Variants in MGAT4C observed in about 807,000 individuals in gnomAD.
MGAT4C encodes the protein alpha-1,3-mannosyl-glycoprotein 4-beta-N-acetylglucosaminyltransferase C.
A neutral mutation model predicts 40.1 loss-of-function variants in MGAT4C; 19 were observed. The ratio of observed to expected loss-of-function variants is 0.47; its 90% CI spans 0.33 to 0.70. The LOEUF (loss-of-function observed/expected upper bound fraction) is 0.70, where lower values mean the gene tolerates loss of function less well. Among genes scored for constraint, MGAT4C ranks in the 30% least tolerant of loss-of-function variants. The pLI is 0.02. For missense variants in MGAT4C, 491 were observed against 563.2 expected (o/e 0.87, Z 1.30); for synonymous variants, 181 against 187.1 (o/e 0.97, Z 0.27).
At chr12:86,204,742 T>G (rs79137498) in intron 1 of MGAT4C, among the ~76,000 whole-genome samples, 12,840 of 152,118 alleles carry the variant, frequency 0.084, 644 homozygotes, top group Middle Eastern at 0.22. Flanking sequence ...ACAGGAAAGA[T>G]GTGTAAATGT....
intron 4 of MGAT4C, among the ~76,000 whole-genome samples, chr12:86,331,030 G>T (rs1307876864): frequency 1.3e-5 from 2 of 152,164 alleles, no homozygotes; most frequent in Non-Finnish European, 2.9e-5. Flanking sequence ...TTAGAAGAAA[G>T]AATTCGACCT....
intron 3 of MGAT4C, among the ~76,000 whole-genome samples, chr12:86,344,006 C>T (rs1038383786): frequency 6.6e-6 from 1 of 152,144 alleles, no homozygotes; most frequent in Non-Finnish European, 1.5e-5. Flanking sequence ...TTTCTTCATT[C>T]TACCTTTGTT....
chr12:86,402,782 A>G (rs1301430577), intron 3 of MGAT4C, among the ~76,000 whole-genome samples: 2 of 152,178 alleles, frequency 1.3e-5, no homozygotes, highest in Non-Finnish European at 2.9e-5. Context: ...CTAAAAGACT[A>G]TTTCCTCAAG....
intron 2 of MGAT4C, among the ~76,000 whole-genome samples, chr12:86,625,951 C>T (rs976432289): frequency 1.3e-5 from 2 of 151,848 alleles, no homozygotes; most frequent in Admixed American, 1.3e-4. Flanking sequence ...GAATGTTAGA[C>T]AGAATAAAAA....
At chr12:86,383,839 G>A (rs1444844162) in intron 3 of MGAT4C, among the ~76,000 whole-genome samples, 1 of 152,142 alleles carries the variant, frequency 6.6e-6, no homozygotes, top group Non-Finnish European at 1.5e-5. Flanking sequence ...TGTTGGGAAG[G>A]CACGACTGGT....
At position 86,138,492 on chromosome 12, in the gene MGAT4C, C is replaced by CATATATATATCATATATATATTTCCAT. The variant is rs1555230301; in HGVS notation, c.-56-88770_-56-88769insATGGAAATATATATATGATATATATAT. On this transcript the variant is annotated intron_variant, in intron 1 of 4. Transcript: ENST00000611864. ...CCATATATATCCATATATATATTTCCATATATATATCATGTATATATTTCC... is the reference window on the plus strand; with the variant it reads ...CCATATATATCCATATATATATTTCCATATATATATCATATATATATTTCCATATATATATATCATGTATATATTTCC... 1.1e-4 allele frequency among the ~76,000 whole-genome samples: 16 copies of CATATATATATCATATATATATTTCCAT among 146,514 alleles called. 1 individual carries two copies. The highest frequency in any genetic ancestry group is 2.0e-4 in the East Asian group (1 of 5,084).
At chr12:86,201,499 G>A (rs561684343) in intron 1 of MGAT4C, among the ~76,000 whole-genome samples, 28 of 148,274 alleles carry the variant, frequency 1.9e-4, no homozygotes, top group East Asian at 1.8e-3. Context: ...AAATATTTAC[G>A]TTTTATCATA....
intron 4 of MGAT4C, among the ~76,000 whole-genome samples, chr12:86,325,138 T>C (rs1954495667): frequency 6.6e-6 from 1 of 152,146 alleles, no homozygotes; most frequent in Non-Finnish European, 1.5e-5. Flanking sequence ...ATATATGTTA[T>C]TTGCAGTAAG....
chr12:86,658,379 T>C (rs1445450876), intron 2 of MGAT4C, among the ~76,000 whole-genome samples: 1 of 152,074 alleles, frequency 6.6e-6, no homozygotes, highest in Non-Finnish European at 1.5e-5. Flanking sequence ...CCATTAAGTT[T>C]CAAGAGAGAC....
chr12:86,347,393 A>G (rs1451867280), intron 3 of MGAT4C, among the ~76,000 whole-genome samples: 1 of 152,184 alleles, frequency 6.6e-6, no homozygotes, highest in Admixed American at 6.6e-5. Flanking sequence ...ATTACAAAAT[A>G]TGAGTATTTG....
chr12:86,410,947 C>T (rs1956591230), intron 3 of MGAT4C, among the ~76,000 whole-genome samples: 2 of 152,310 alleles, frequency 1.3e-5, no homozygotes, highest in South Asian at 2.1e-4. Context: ...ACTTTGCTCT[C>T]CTCCTCTGCT....
intron 2 of MGAT4C, among the ~76,000 whole-genome samples, chr12:86,700,445 G>A (rs982037): frequency 0.83 from 126,029 of 151,924 alleles, 52,966 homozygotes; most frequent in Middle Eastern, 0.9. Flanking sequence ...TTATACAGTT[G>A]GACTTCATGT....
intron 1 of MGAT4C, among the ~76,000 whole-genome samples, chr12:86,170,842 A>G (rs1174515007): frequency 1.3e-5 from 2 of 152,056 alleles, no homozygotes; most frequent in African/African-American, 4.8e-5. Context: ...AGTCCGAGCT[A>G]CTAGAGAGGC....
intron 4 of MGAT4C, among the ~76,000 whole-genome samples, chr12:86,295,199 CATT>C (rs1029786043): frequency 2.0e-5 from 3 of 152,140 alleles, no homozygotes; most frequent in African/African-American, 4.8e-5. Flanking sequence ...ATACATATTT[CATT>C]ATTAAACATG....
chr12:86,486,245 C>A (rs529990634), intron 2 of MGAT4C, among the ~76,000 whole-genome samples: 1 of 152,070 alleles, frequency 6.6e-6, no homozygotes, highest in East Asian at 1.9e-4. Context: ...CTAATTGCCC[C>A]ACTTAAAGAG....
At chr12:86,723,089 T>C (rs541354037) in intron 2 of MGAT4C, among the ~76,000 whole-genome samples, 1 of 152,324 alleles carries the variant, frequency 6.6e-6, no homozygotes, top group African/African-American at 2.4e-5. Flanking sequence ...TCACACAACA[T>C]TTATTCAGTA....
At chr12:86,793,393 AT>A (rs1465861287) in intron 1 of MGAT4C, among the ~76,000 whole-genome samples, 1 of 152,066 alleles carries the variant, frequency 6.6e-6, no homozygotes, top group Non-Finnish European at 1.5e-5. Flanking sequence ...TAAAATATTT[AT>A]TGTTGCCATT....
intron 1 of MGAT4C, among the ~76,000 whole-genome samples, chr12:86,226,578 A>G (rs1265598279): frequency 6.6e-6 from 1 of 151,984 alleles, no homozygotes; most frequent in Non-Finnish European, 1.5e-5. Context: ...GATAAATTAG[A>G]TAAGGACTTT....
intron 2 of MGAT4C, among the ~76,000 whole-genome samples, chr12:86,462,098 T>A (rs1957610945): frequency 6.6e-6 from 1 of 152,222 alleles, no homozygotes; most frequent in South Asian, 2.1e-4. Context: ...CAGCTTAAAC[T>A]AATATGGGCA....
Sources: gnomAD v4.1 joint callset for allele counts (sites outside exome capture counted in the v4.1 genomes callset) on GRCh38, gnomAD v4.1.1 for gene constraint, MANE v1.5 for transcripts, NCBI Gene and HGNC (gene_info 2026-07-23, HGNC 2026-07-21) for gene names.